UPRT: variants seen among roughly 807,000 people sequenced by gnomAD.
The protein encoded by UPRT is uracil phosphoribosyltransferase homolog.
A neutral mutation model predicts 22.6 loss-of-function variants in UPRT; 5 were observed. The ratio of observed to expected loss-of-function variants is 0.22; its 90% CI spans 0.12 to 0.47. The LOEUF (loss-of-function observed/expected upper bound fraction) is 0.47. UPRT is among the 20% of genes least tolerant of loss of function. The pLI, the probability that UPRT is intolerant of heterozygous loss-of-function variation, is 0.99. For synonymous variants in UPRT, 77 were observed against 87.7 expected, an observed-to-expected ratio of 0.88 and a Z score of 0.68; for missense variants, 181 against 239.9, an observed-to-expected ratio of 0.75 and a Z score of 1.62.
chrX:75,303,284 C>G, intron 6 of UPRT, 121 bp from the exon 7 acceptor site: 1 of 507,635 alleles, frequency 2.0e-6, no homozygotes, highest in Non-Finnish European at 3.3e-6. Flanking sequence ...ATTAGGTATC[C>G]AAAGATCATT....
chrX:75,228,850 A>C (rs1450652477), intron 4 of UPRT, among the ~76,000 whole-genome samples: 1 of 112,372 alleles, frequency 8.9e-6, no homozygotes, highest in Non-Finnish European at 1.9e-5. Context: ...AAATCCTGCC[A>C]TTTGTGAAAA....
intron 1 of UPRT, among the ~76,000 whole-genome samples, chrX:75,287,509 A>T (rs1602493428): frequency 8.9e-6 from 1 of 111,862 alleles, no homozygotes; most frequent in East Asian, 2.8e-4. Flanking sequence ...ATTTTTAAAT[A>T]TATACAATTG....
At chrX:75,265,664 CCTT>C (rs1385983873) in intron 4 of UPRT, among the ~76,000 whole-genome samples, 2 of 112,035 alleles carry the variant, frequency 1.8e-5, no homozygotes, top group African/African-American at 6.5e-5. Flanking sequence ...TCATCTGAAG[CCTT>C]CTTCTCTAAA....
At chrX:75,246,441 T>C (rs190155789) in intron 4 of UPRT, among the ~76,000 whole-genome samples, 253 of 110,655 alleles carry the variant, frequency 2.3e-3, no homozygotes, top group African/African-American at 8.1e-3. Context: ...AACTCATCCT[T>C]TTTTGTGGCT....
At chrX:75,277,111 A>G (rs1300695993) in intron 1 of UPRT, among the ~76,000 whole-genome samples, 1 of 112,261 alleles carries the variant, frequency 8.9e-6, no homozygotes, top group Non-Finnish European at 1.9e-5. Context: ...ATATGAATAT[A>G]CCACAATTTG....
chrX:75,246,948 T>C (rs916622761), intron 4 of UPRT, among the ~76,000 whole-genome samples: 2 of 112,111 alleles, frequency 1.8e-5, no homozygotes, highest in African/African-American at 6.5e-5. Context: ...CATGTCACTT[T>C]ATAGACAGGG....
At chrX:75,185,912 T>C (rs1368039685) in intron 4 of UPRT, among the ~76,000 whole-genome samples, 2 of 111,863 alleles carry the variant, frequency 1.8e-5, no homozygotes, top group Non-Finnish European at 3.8e-5. Context: ...TTTTCTCTCT[T>C]TTTTTCTTTA....
chrX:75,276,617 G>A (rs1475614298), intron 1 of UPRT, among the ~76,000 whole-genome samples: 4 of 111,302 alleles, frequency 3.6e-5, no homozygotes, highest in Non-Finnish European at 7.5e-5. Flanking sequence ...TTGGGTCTTC[G>A]ACTCCCTCGT....
chrX:75,246,181 T>C (rs2082505392), intron 4 of UPRT, among the ~76,000 whole-genome samples: 2 of 109,243 alleles, frequency 1.8e-5, no homozygotes, highest in African/African-American at 6.6e-5. Context: ...TGTATACATG[T>C]GCCATGTTGG....
chrX:75,266,410 C>G (rs2082588563), intron 4 of UPRT, among the ~76,000 whole-genome samples: 1 of 111,542 alleles, frequency 9.0e-6, no homozygotes, highest in Non-Finnish European at 1.9e-5. Flanking sequence ...AAACTGGATC[C>G]CTTCCTTACA....
At chrX:75,216,169 C>T (rs1041826915) in intron 4 of UPRT, among the ~76,000 whole-genome samples, 6 of 111,907 alleles carry the variant, frequency 5.4e-5, no homozygotes, top group Admixed American at 4.7e-4. Context: ...TTATATGCCA[C>T]AATCAAGTGG....
intron 4 of UPRT, among the ~76,000 whole-genome samples, chrX:75,254,014 A>C (rs1352982212): frequency 9.0e-6 from 1 of 111,502 alleles, no homozygotes; most frequent in Non-Finnish European, 1.9e-5. Context: ...GGGAGCAAGA[A>C]ATCTCCAGCT....
chrX:75,252,699 C>T (rs1490922718), intron 4 of UPRT, among the ~76,000 whole-genome samples: 2 of 112,092 alleles, frequency 1.8e-5, no homozygotes, highest in Non-Finnish European at 3.8e-5. Context: ...TGGGTATATA[C>T]CCAAAGGATT....
intron 3 of UPRT, among the ~76,000 whole-genome samples, chrX:75,164,841 A>T (rs2082208821): frequency 9.0e-6 from 1 of 111,667 alleles, no homozygotes; most frequent in South Asian, 3.7e-4. Context: ...GGCAATTCAA[A>T]TTCAGTTTCC....
intron 4 of UPRT, among the ~76,000 whole-genome samples, chrX:75,181,477 G>C (rs1466788248): frequency 9.0e-6 from 1 of 111,536 alleles, no homozygotes; most frequent in Non-Finnish European, 1.9e-5. Flanking sequence ...CTTCTTATCT[G>C]TGAGCGTGGA....
chrX:75,194,396 G>T (rs1483146767), intron 4 of UPRT, among the ~76,000 whole-genome samples: 1 of 111,379 alleles, frequency 9.0e-6, no homozygotes, highest in African/African-American at 3.3e-5. Context: ...GTCAGCCAGA[G>T]TGCTTTGTAG....
At chrX:75,273,051 T>G (rs2082616890), upstream of UPRT, among the ~76,000 whole-genome samples, 1 of 111,680 alleles carries the variant, frequency 9.0e-6, no homozygotes, top group Non-Finnish European at 1.9e-5. Context: ...TGGAGCCTAT[T>G]ATCCTTAGCA....
chrX:75,249,049 C>A (rs1037478366), intron 4 of UPRT, among the ~76,000 whole-genome samples: 3 of 111,294 alleles, frequency 2.7e-5, no homozygotes, highest in Admixed American at 9.6e-5. Context: ...TAAAAGAGCT[C>A]CTAAAGGAAG....
intron 4 of UPRT, among the ~76,000 whole-genome samples, chrX:75,209,511 T>A (rs947536347): frequency 8.9e-6 from 1 of 112,064 alleles, no homozygotes. Flanking sequence ...GTAGCTGGGA[T>A]ACAGGCATCC....
Sources: allele counts gnomAD v4.1 joint callset (sites outside exome capture counted in the v4.1 genomes callset), GRCh38; gene constraint gnomAD v4.1.1; transcripts MANE v1.5; gene names NCBI Gene and HGNC (gene_info 2026-07-23, HGNC 2026-07-21).